The following PAK5 variants were observed in gnomAD, a reference collection of about 807,000 sequenced individuals.
PAK5 encodes the protein p21 (RAC1) activated kinase 5.
PAK5 carries 16 observed loss-of-function variants against 65.9 expected under a neutral mutation model. That is an observed-to-expected ratio of 0.24 (90% CI 0.16 to 0.37). The LOEUF (loss-of-function observed/expected upper bound fraction) is 0.37, where lower values mean the gene tolerates loss of function less well. Ranked by LOEUF, PAK5 falls within the 10% of genes least tolerant of loss-of-function variation. PAK5 has a pLI of 1.00. For synonymous variants in PAK5, 371 were observed against 354.9 expected (o/e 1.05, Z -0.51); for missense variants, 785 against 903.9 (o/e 0.87, Z 1.69).
At chr20:9,682,496 G>T (rs2047664058) in intron 2 of PAK5, among the ~76,000 whole-genome samples, 1 of 152,284 alleles carries the variant, frequency 6.6e-6, no homozygotes, top group South Asian at 2.1e-4. Context: ...TCACTTAGAA[G>T]AATTACAGAT....
chr20:9,806,549 G>T (rs2049235090), intron 1 of PAK5, among the ~76,000 whole-genome samples: 1 of 152,028 alleles, frequency 6.6e-6, no homozygotes, highest in Admixed American at 6.6e-5. Flanking sequence ...TTAGAGCTCT[G>T]TCACTGTGTG....
At chr20:9,698,410 T>G (rs559494258) in intron 2 of PAK5, among the ~76,000 whole-genome samples, 1 of 152,264 alleles carries the variant, frequency 6.6e-6, no homozygotes, top group African/African-American at 2.4e-5. Flanking sequence ...GTATAGCTCC[T>G]TTTCTCCCCA....
intron 1 of PAK5, among the ~76,000 whole-genome samples, chr20:9,831,215 GT>G (rs1978687926): frequency 6.6e-6 from 1 of 152,246 alleles, no homozygotes; most frequent in Non-Finnish European, 1.5e-5. Context: ...GGGTGTGTGT[GT>G]GTGTGCGCGC....
intron 3 of PAK5, among the ~76,000 whole-genome samples, chr20:9,587,217 C>T (rs2046085559): frequency 1.3e-5 from 2 of 151,884 alleles, no homozygotes; most frequent in Non-Finnish European, 2.9e-5. Context: ...ACAAACAACA[C>T]CTAGAAGAAA....
chr20:9,639,600 G>C (rs1291395592), intron 3 of PAK5, among the ~76,000 whole-genome samples: 1 of 152,192 alleles, frequency 6.6e-6, no homozygotes, highest in East Asian at 1.9e-4. Context: ...CTCTATACTT[G>C]AGATGTATCT....
At chr20:9,637,178 A>G (rs2046992932) in intron 3 of PAK5, among the ~76,000 whole-genome samples, 1 of 151,962 alleles carries the variant, frequency 6.6e-6, no homozygotes, top group Non-Finnish European at 1.5e-5. Context: ...TATTTTTTTT[A>G]TTATTACTTT....
intron 1 of PAK5, among the ~76,000 whole-genome samples, chr20:9,725,399 T>C (rs1338642728): frequency 6.6e-6 from 1 of 152,132 alleles, no homozygotes; most frequent in East Asian, 1.9e-4. Flanking sequence ...CCATTTTTGG[T>C]CATCTTTAAA....
rs140128030 is a variant in PAK5, at chr20:9,836,085, C to G, written c.-162+2677G>C. Reference sequence around the variant, plus strand: ...TGAGGTACTTTTGAACCCTGCTCTTCCCTACCATGGTTGTGTATATAAAGC... The same window carrying G: ...TGAGGTACTTTTGAACCCTGCTCTTGCCTACCATGGTTGTGTATATAAAGC... On this transcript the variant is annotated intron_variant, in intron 1 of 9. Coordinates refer to ENST00000353224, the MANE Select transcript of PAK5 (RefSeq NM_177990.4). 4.0e-3 allele frequency among the ~76,000 whole-genome samples: 605 copies of G among 152,270 alleles called. 2 individuals are homozygous for G. Among genetic ancestry groups the G allele is most frequent in the African/African-American group, 0.014 (575 of 41,552 alleles).
At chr20:9,624,815 A>G (rs1200328596) in intron 3 of PAK5, among the ~76,000 whole-genome samples, 1 of 152,152 alleles carries the variant, frequency 6.6e-6, no homozygotes, top group African/African-American at 2.4e-5. Context: ...ACAGGGGCTT[A>G]GATGGGGTAA....
chr20:9,793,202 CA>C (rs2049068538), intron 1 of PAK5, among the ~76,000 whole-genome samples: 1 of 152,116 alleles, frequency 6.6e-6, no homozygotes, highest in African/African-American at 2.4e-5. Flanking sequence ...ATCCACGCTG[CA>C]AAAGATACTG....
At chr20:9,616,280 A>T (rs1041444818) in intron 3 of PAK5, among the ~76,000 whole-genome samples, 8 of 152,218 alleles carry the variant, frequency 5.3e-5, no homozygotes, top group African/African-American at 1.9e-4. Context: ...TAAAAAGGGC[A>T]GTTCCTATAT....
intron 3 of PAK5, among the ~76,000 whole-genome samples, chr20:9,586,915 T>C (rs1294763483): frequency 6.6e-6 from 1 of 152,194 alleles, no homozygotes; most frequent in Non-Finnish European, 1.5e-5. Context: ...TTATCATTAT[T>C]TTGTATCTTA....
At chr20:9,596,946 C>T (rs1253352341) in intron 3 of PAK5, among the ~76,000 whole-genome samples, 1 of 152,206 alleles carries the variant, frequency 6.6e-6, no homozygotes, top group East Asian at 1.9e-4. Flanking sequence ...TTCTAACAAG[C>T]TCTTAGGTGA....
chr20:9,550,217 T>G lies in PAK5; in HGVS notation c.1744-5723A>C, dbSNP rs143432741. Among the ~76,000 whole-genome samples the G allele has an allele frequency of 4.6e-5, 7 of 152,260 alleles. No homozygotes were observed. The East Asian group carries it at 1.4e-3, about 29-fold the overall frequency. On this transcript the variant is annotated intron_variant, in intron 7 of 9. Transcript: ENST00000353224. ...AATGGGGAAGGGTCTGGCACAAGCCTGTGATTGGGACAAGGAGGCAGCCTG... is the reference window on the plus strand; with the variant it reads ...AATGGGGAAGGGTCTGGCACAAGCCGGTGATTGGGACAAGGAGGCAGCCTG...
At chr20:9,800,457 G>A (rs1397570753) in intron 1 of PAK5, among the ~76,000 whole-genome samples, 1 of 152,068 alleles carries the variant, frequency 6.6e-6, no homozygotes, top group African/African-American at 2.4e-5. Flanking sequence ...TGAACTTCAT[G>A]CCTGTGGGAT....
At chr20:9,539,647 G>A (rs1287856352) in intron 9 of PAK5, 30 bp from the exon 10 acceptor site, 1 of 1,593,218 alleles carries the variant, frequency 6.3e-7, no homozygotes, top group Non-Finnish European at 8.6e-7. Context: ...CCAATCTGAG[G>A]ACTAACACAG....
At chr20:9,786,285 T>C (rs1330677358) in intron 1 of PAK5, among the ~76,000 whole-genome samples, 2 of 152,068 alleles carry the variant, frequency 1.3e-5, no homozygotes, top group African/African-American at 4.8e-5. Context: ...AGGCTGTGAA[T>C]GATTTTAGGG....
At chr20:9,773,250 T>C (rs2048853455) in intron 1 of PAK5, among the ~76,000 whole-genome samples, 1 of 152,182 alleles carries the variant, frequency 6.6e-6, no homozygotes, top group Non-Finnish European at 1.5e-5. Context: ...TTTTTAATTA[T>C]CATTATACTT....
chr20:9,724,897 A>G (rs1443253775), intron 1 of PAK5, among the ~76,000 whole-genome samples: 1 of 152,190 alleles, frequency 6.6e-6, no homozygotes, highest in African/African-American at 2.4e-5. Flanking sequence ...AACTAAGAGT[A>G]TAACTGGATT....
Sources: allele counts gnomAD v4.1 joint callset (sites outside exome capture counted in the v4.1 genomes callset), GRCh38; gene constraint gnomAD v4.1.1; transcripts MANE v1.5; gene names NCBI Gene and HGNC (gene_info 2026-07-23, HGNC 2026-07-21).